ADAMTS20: variants seen among roughly 807,000 people sequenced by gnomAD.
ADAMTS20 encodes A disintegrin and metalloproteinase with thrombospondin motifs 20.
ADAMTS20 carries 225 observed loss-of-function variants against 260.1 expected under a neutral mutation model. The observed-to-expected ratio is 0.87, with a 90% CI of 0.78 to 0.97. The LOEUF is 0.97. Ranked by LOEUF, ADAMTS20 falls within the 50% of genes least tolerant of loss-of-function variation. The pLI is 0.00. For synonymous variants in ADAMTS20, 802 were observed against 769.5 expected (o/e 1.04, Z -0.70); for missense variants, 2,400 against 2,337.7 (o/e 1.03, Z -0.55).
chr12:43,550,994 G>A lies in ADAMTS20; in HGVS notation c.368C>T (p.Pro123Leu). ...ERGAWESDAG[P>L]SDLRHCFYRG... Reference sequence around the variant, plus strand: ...GTAGAAGCAGTGGCGCAGGTCCGAGGGCCCTGCGTCGCTCTCCCAGGCCCC... The same window carrying A: ...GTAGAAGCAGTGGCGCAGGTCCGAGAGCCCTGCGTCGCTCTCCCAGGCCCC... The change falls in exon 2 of 39, where the codon CCC becomes CTC. Residue 123 changes from proline to leucine, a missense_variant. Coordinates refer to ENST00000389420, the MANE Select transcript of ADAMTS20 (RefSeq NM_025003.5). 1 of 1,612,542 alleles carries A rather than the reference G, an allele frequency of 6.2e-7. No individual in the cohort carries two copies. Among genetic ancestry groups the A allele is most frequent in the Non-Finnish European group, 8.5e-7 (1 of 1,179,072 alleles).
At chr12:43,544,936 A>G (rs1308785546) in intron 2 of ADAMTS20, among the ~76,000 whole-genome samples, 4 of 152,102 alleles carry the variant, frequency 2.6e-5, no homozygotes. Flanking sequence ...TGTGCTGTGC[A>G]TTGTGGGATA....
At chr12:43,444,625 A>G (rs1416721942) in intron 15 of ADAMTS20, among the ~76,000 whole-genome samples, 1 of 152,198 alleles carries the variant, frequency 6.6e-6, no homozygotes, top group Non-Finnish European at 1.5e-5. Context: ...TTTTCATGAA[A>G]ACTAAAAACA....
chr12:43,384,785 TC>T (rs1427586293), intron 29 of ADAMTS20, among the ~76,000 whole-genome samples: 5 of 152,232 alleles, frequency 3.3e-5, no homozygotes, highest in Non-Finnish European at 4.4e-5. Context: ...GGACATGAAC[TC>T]ATCCTTTTTT....
chr12:43,399,688 G>T (rs995252192), intron 28 of ADAMTS20, among the ~76,000 whole-genome samples: 1 of 152,068 alleles, frequency 6.6e-6, no homozygotes, highest in African/African-American at 2.4e-5. Context: ...TCTCAGTGCA[G>T]AAAACTGATT....
intron 28 of ADAMTS20, among the ~76,000 whole-genome samples, chr12:43,403,449 G>A (rs1940851690): frequency 6.6e-6 from 1 of 151,958 alleles, no homozygotes; most frequent in Admixed American, 6.6e-5. Flanking sequence ...TCTGACAGTA[G>A]GGGGAAACAT....
intron 31 of ADAMTS20, among the ~76,000 whole-genome samples, chr12:43,381,778 C>T (rs1184069841): frequency 3.6e-5 from 2 of 55,922 alleles, no homozygotes; most frequent in African/African-American, 9.2e-5. Context: ...AAGACTGCAT[C>T]TCAAAAAAAA....
chr12:43,489,758 C>T (rs1340743919), intron 7 of ADAMTS20, among the ~76,000 whole-genome samples: 1 of 151,816 alleles, frequency 6.6e-6, no homozygotes, highest in Non-Finnish European at 1.5e-5. Context: ...CAGTGAAGTT[C>T]ATGACACAAA....
intron 7 of ADAMTS20, among the ~76,000 whole-genome samples, chr12:43,470,160 C>T (rs1170702915): frequency 9.2e-5 from 14 of 152,128 alleles, no homozygotes; most frequent in Admixed American, 9.2e-4. Flanking sequence ...TTTAGTGGAT[C>T]ATCATCTTAT....
intron 28 of ADAMTS20, among the ~76,000 whole-genome samples, chr12:43,414,902 G>A (rs1293857778): frequency 6.6e-6 from 1 of 151,948 alleles, no homozygotes; most frequent in Non-Finnish European, 1.5e-5. Context: ...TTGTTTGTAG[G>A]TCCCACATTA....
At chr12:43,425,880 TC>T (rs1941323681) in intron 27 of ADAMTS20, among the ~76,000 whole-genome samples, 190 bp from the exon 28 acceptor site, 1 of 151,718 alleles carries the variant, frequency 6.6e-6, no homozygotes, top group African/African-American at 2.4e-5. Context: ...TATCAACATT[TC>T]CCCCTAGACA....
chr12:43,384,073 T>G (rs866505247), intron 29 of ADAMTS20, 96 bp from the exon 30 acceptor site: 1 of 1,115,172 alleles, frequency 9.0e-7, no homozygotes. Flanking sequence ...TTATTTTAAA[T>G]ACAGCCTGGT....
intron 3 of ADAMTS20, among the ~76,000 whole-genome samples, chr12:43,513,484 G>A (rs887914054): frequency 2.0e-5 from 3 of 152,002 alleles, no homozygotes; most frequent in African/African-American, 4.8e-5. Flanking sequence ...GCATCTTAAC[G>A]TCTACACTTG....
chr12:43,378,391 C>G (rs4768041), intron 31 of ADAMTS20, among the ~76,000 whole-genome samples: 60,255 of 152,114 alleles, frequency 0.4, 13,404 homozygotes, highest in East Asian at 0.89. Context: ...GTTACTTTCT[C>G]TAATGATCAC....
At chr12:43,394,297 T>C (rs1266186607) in intron 29 of ADAMTS20, among the ~76,000 whole-genome samples, 1 of 152,142 alleles carries the variant, frequency 6.6e-6, no homozygotes, top group Non-Finnish European at 1.5e-5. Flanking sequence ...TGCTACCATT[T>C]AATTGTTTTT....
intron 20 of ADAMTS20, 52 bp from the exon 21 acceptor site, chr12:43,432,520 C>T: frequency 6.3e-7 from 1 of 1,582,326 alleles, no homozygotes; most frequent in Non-Finnish European, 8.6e-7. Flanking sequence ...AGATTTTCAA[C>T]AAAATTATAC....
chr12:43,515,884 T>C (rs1294358016), intron 3 of ADAMTS20, among the ~76,000 whole-genome samples: 1 of 152,204 alleles, frequency 6.6e-6, no homozygotes, highest in African/African-American at 2.4e-5. Context: ...TATTTTATGC[T>C]ACATCCCAGA....
chr12:43,495,490 C>A (rs1216043328), intron 4 of ADAMTS20, among the ~76,000 whole-genome samples: 1 of 152,074 alleles, frequency 6.6e-6, no homozygotes, highest in Non-Finnish European at 1.5e-5. Context: ...ACTTATAAAG[C>A]TTTTTCAGAA....
chr12:43,471,498 C>T, intron 7 of ADAMTS20, among the ~76,000 whole-genome samples: 1 of 128,340 alleles, frequency 7.8e-6, no homozygotes, highest in Non-Finnish European at 1.6e-5. Flanking sequence ...CTCAAGGAGG[C>T]CTGCCTGCCT....
chr12:43,452,441 T>C lies in ADAMTS20; in HGVS notation c.1943-31A>G, dbSNP rs563602037. The C allele has an allele frequency of 1.4e-4, 229 of 1,605,302 alleles. No individual in the cohort carries two copies. In the East Asian group the frequency reaches 5.0e-3, roughly 35 times the overall value. ...AAAAAGAAAAAGGTCAAATTTTTAA[T>C]GTATAATAATAAAGCTATGTGTTCT... On this transcript the variant is annotated intron_variant, in intron 13 of 38. Transcript: ENST00000389420.
Sources: gnomAD v4.1 joint callset for allele counts (sites outside exome capture counted in the v4.1 genomes callset) on GRCh38, gnomAD v4.1.1 for gene constraint, MANE v1.5 for transcripts, NCBI Gene and HGNC (gene_info 2026-07-23, HGNC 2026-07-21) for gene names.